Variants in RAP1A observed in about 807,000 individuals in gnomAD.
The protein encoded by RAP1A is ras-related protein Rap-1A.
A neutral mutation model predicts 26.4 loss-of-function variants in RAP1A; 6 were observed. The observed-to-expected ratio is 0.23, with a 90% CI of 0.12 to 0.45. RAP1A has a LOEUF of 0.45. RAP1A is among the 20% of genes least tolerant of loss of function. RAP1A has a pLI of 0.99. For synonymous variants in RAP1A, 73 were observed against 79.4 expected, an observed-to-expected ratio of 0.92 and a Z score of 0.43; for missense variants, 121 against 217.2, an observed-to-expected ratio of 0.56 and a Z score of 2.78.
chr1:111,652,250 A>G (rs1660298971), intron 1 of RAP1A, among the ~76,000 whole-genome samples: 1 of 152,242 alleles, frequency 6.6e-6, no homozygotes, highest in Admixed American at 6.5e-5. Context: ...CTGGGATTAT[A>G]GGCCTGACCC....
chr1:111,676,211 C>G lies in RAP1A; in HGVS notation c.-27-15123C>G, dbSNP rs571838933. Among the ~76,000 whole-genome samples the G allele has an allele frequency of 2.0e-4, 31 of 152,164 alleles. No homozygotes were observed. In the South Asian group the frequency reaches 5.8e-3, roughly 28 times the overall value. ...TTTCTACTAAAAATACAAAAATTAG[C>G]CAGGCATGGTGGTGGGCGCCTGTAA... On this transcript the variant is annotated intron_variant, in intron 1 of 7. Transcript: ENST00000369709.
At chr1:111,611,406 A>C (rs1571497167) in intron 1 of RAP1A, among the ~76,000 whole-genome samples, 1 of 152,220 alleles carries the variant, frequency 6.6e-6, no homozygotes, top group African/African-American at 2.4e-5. Context: ...TTTGTTGTAA[A>C]GTGACAGTAC....
At chr1:111,671,250 A>G (rs1660965628) in intron 1 of RAP1A, among the ~76,000 whole-genome samples, 1 of 152,210 alleles carries the variant, frequency 6.6e-6, no homozygotes, top group Non-Finnish European at 1.5e-5. Flanking sequence ...GGTGAGAGCC[A>G]CCACGCCCAA....
At chr1:111,710,541 T>G (rs1475421022) in intron 7 of RAP1A, among the ~76,000 whole-genome samples, 1 of 152,244 alleles carries the variant, frequency 6.6e-6, no homozygotes, top group African/African-American at 2.4e-5. Context: ...TGGAGTAAAC[T>G]GGTCCCACTG....
At chr1:111,617,248 A>G (rs757574139), upstream of RAP1A, among the ~76,000 whole-genome samples, 2 of 152,182 alleles carry the variant, frequency 1.3e-5, no homozygotes, top group South Asian at 2.1e-4. Flanking sequence ...GCGTGCCACA[A>G]CCAAATGTAC....
intron 1 of RAP1A, among the ~76,000 whole-genome samples, chr1:111,562,993 A>G (rs1657801934): frequency 6.6e-6 from 1 of 152,256 alleles, no homozygotes; most frequent in African/African-American, 2.4e-5. Flanking sequence ...AAATTCTCAC[A>G]ACAGCCTTTT....
intron 1 of RAP1A, among the ~76,000 whole-genome samples, chr1:111,635,475 A>G (rs1659700054): frequency 6.6e-6 from 1 of 152,214 alleles, no homozygotes. Flanking sequence ...TTTGAGGATT[A>G]AATAAGCATG....
At chr1:111,573,412 T>A (rs1658086426) in intron 1 of RAP1A, among the ~76,000 whole-genome samples, 1 of 151,470 alleles carries the variant, frequency 6.6e-6, no homozygotes, top group South Asian at 2.1e-4. Flanking sequence ...ATTTTTTAAC[T>A]TTTTTTTTGC....
intron 1 of RAP1A, among the ~76,000 whole-genome samples, chr1:111,666,399 A>G (rs1029614396): frequency 6.6e-5 from 10 of 152,186 alleles, no homozygotes; most frequent in Admixed American, 5.2e-4. Context: ...ATTAGTTTCC[A>G]TATGTAAAAT....
At chr1:111,548,301 G>A (rs758105587) in intron 1 of RAP1A, among the ~76,000 whole-genome samples, 7 of 152,208 alleles carry the variant, frequency 4.6e-5, no homozygotes, top group Admixed American at 6.5e-5. Flanking sequence ...GATTACAAGC[G>A]TGAGCCACTG....
At chr1:111,702,104 T>G (rs1662038552) in intron 4 of RAP1A, among the ~76,000 whole-genome samples, 1 of 152,110 alleles carries the variant, frequency 6.6e-6, no homozygotes, top group Non-Finnish European at 1.5e-5. Context: ...ACCAGAACTA[T>G]TTTAGATGTA....
At chr1:111,626,243 A>C (rs1659393423) in intron 1 of RAP1A, among the ~76,000 whole-genome samples, 1 of 152,196 alleles carries the variant, frequency 6.6e-6, no homozygotes, top group African/African-American at 2.4e-5. Context: ...ACAGCTTATG[A>C]GTATTAGACC....
At chr1:111,665,757 G>C (rs1435586113) in intron 1 of RAP1A, among the ~76,000 whole-genome samples, 1 of 152,166 alleles carries the variant, frequency 6.6e-6, no homozygotes, top group Non-Finnish European at 1.5e-5. Context: ...AAGGCACAGA[G>C]TATAGGATAT....
At chr1:111,710,635 G>A (rs1461731698) in intron 7 of RAP1A, among the ~76,000 whole-genome samples, 1 of 152,128 alleles carries the variant, frequency 6.6e-6, no homozygotes, top group East Asian at 1.9e-4. Context: ...ACTACTGTGT[G>A]CTTCCTTAGA....
At chr1:111,647,380 T>C (rs1660104093) in intron 1 of RAP1A, among the ~76,000 whole-genome samples, 1 of 152,150 alleles carries the variant, frequency 6.6e-6, no homozygotes, top group South Asian at 2.1e-4. Context: ...TCATTATTAT[T>C]ATTACAGTGT....
intron 1 of RAP1A, among the ~76,000 whole-genome samples, chr1:111,549,035 G>T (rs942212841): frequency 2.0e-5 from 3 of 152,132 alleles, no homozygotes; most frequent in East Asian, 1.9e-4. Context: ...AACTTTTGAA[G>T]ATCCCTCAGA....
upstream of RAP1A, among the ~76,000 whole-genome samples, chr1:111,618,646 T>C (rs1250898302): frequency 2.0e-5 from 3 of 152,154 alleles, no homozygotes; most frequent in South Asian, 2.1e-4. Flanking sequence ...AAACATAACA[T>C]GTGTAAGAAA....
chr1:111,665,181 G>T (rs1470896870), intron 1 of RAP1A, among the ~76,000 whole-genome samples: 5 of 152,252 alleles, frequency 3.3e-5, no homozygotes, highest in East Asian at 3.9e-4. Flanking sequence ...TCAAGGAAAG[G>T]TTATAACATT....
chr1:111,565,349 C>G (rs1657895159), intron 1 of RAP1A, among the ~76,000 whole-genome samples: 2 of 152,122 alleles, frequency 1.3e-5, no homozygotes, highest in Admixed American at 1.3e-4. Context: ...TTATTTTAGG[C>G]CAGAATTGTT....
Sources: gnomAD v4.1 joint callset for allele counts (sites outside exome capture counted in the v4.1 genomes callset) on GRCh38, gnomAD v4.1.1 for gene constraint, MANE v1.5 for transcripts, NCBI Gene and HGNC (gene_info 2026-07-23, HGNC 2026-07-21) for gene names.